Variants in ADGRA2 observed in about 807,000 individuals in gnomAD.
ADGRA2 encodes G-protein coupled receptor 124.
Under a neutral mutation model 98.7 loss-of-function variants are expected in ADGRA2, and 61 were observed. That is an observed-to-expected ratio of 0.62 (90% CI 0.50 to 0.76). The LOEUF (loss-of-function observed/expected upper bound fraction) is 0.76, where lower values mean the gene tolerates loss of function less well. ADGRA2 is among the 30% of genes least tolerant of loss of function. ADGRA2 has a pLI of 0.00. For synonymous variants in ADGRA2, 858 were observed against 831.5 expected, an observed-to-expected ratio of 1.03 and a Z score of -0.55; for missense variants, 1,712 against 1,860.0, an observed-to-expected ratio of 0.92 and a Z score of 1.46.
In ADGRA2 at chr8:37,841,080, C is replaced by T. The variant is rs1435079643; in HGVS notation, c.2748-6C>T. The T allele has an allele frequency of 2.5e-6, 4 of 1,587,770 alleles. No homozygotes were observed. Among genetic ancestry groups the T allele is most frequent in the Non-Finnish European group, 2.6e-6 (3 of 1,167,632 alleles). ...GTCCTCATCACTGCTTCTGTGTCTC[C>T]TACAGCTGCTGGCTGGTGTGGCGTC... On this transcript the variant is annotated splice_polypyrimidine_tract_variant and splice_region_variant and intron_variant, in intron 18 of 18. Transcript: ENST00000412232. The surrounding 1 kb of genome is among the most constrained non-coding windows in gnomAD (Gnocchi z 5.0).
rs1446777338 is a variant in ADGRA2, at chr8:37,842,096, C to A, written c.3758C>A (p.Ser1253Tyr). The A allele has an allele frequency of 1.3e-6, 2 of 1,510,620 alleles. No homozygotes were observed. The highest frequency in any genetic ancestry group is 1.8e-6 in the Non-Finnish European group (2 of 1,137,078). 93.6% of individuals were successfully genotyped at this position (1,510,620 alleles called of 1,614,324 possible). ...GAAGGCGAGCCCATGCTCACGCCGT[C>A]CGAGGGCAGCGACACCAGCGCCGCG... The part of the protein sequence containing the change: ...QLEGEPMLTP[S>Y]EGSDTSAAPL... Residue 1253 changes from serine to tyrosine, a missense_variant, in exon 19 of 19, where the codon TCC becomes TAC. Physicochemically the swap from Ser to Tyr is moderately radical, Grantham distance 144. Coordinates refer to ENST00000412232, the MANE Select transcript of ADGRA2 (RefSeq NM_032777.10).
At position 37,830,789 on chromosome 8, in the gene ADGRA2, C is replaced by T. The variant is rs552597510; in HGVS notation, c.798C>T (p.Phe266=). The T allele has an allele frequency of 4.4e-6, 7 of 1,595,944 alleles. No individual in the cohort carries two copies. The African/African-American group carries it at 6.7e-5, about 15-fold the overall frequency. The change falls in exon 7 of 19, where the codon TTC becomes TTT. Residue 266 remains phenylalanine, a synonymous_variant. Transcript: ENST00000412232. The surrounding 1 kb of genome is among the most constrained non-coding windows in gnomAD (Gnocchi z 4.8). Reference sequence around the variant, plus strand: ...TGTTCCAGGGGGATCGGCTGCCCTTCCAGTGCTCTGCCAGCTACCTGGGCA... The same window carrying T: ...TGTTCCAGGGGGATCGGCTGCCCTTTCAGTGCTCTGCCAGCTACCTGGGCA... The part of the protein sequence containing the change: ...QVVFQGDRLP[F]QCSASYLGND...
At position 37,830,629 on chromosome 8, in the gene ADGRA2, C is replaced by CCACAAA; in HGVS notation, c.719-81_719-80insCACAAA. On this transcript the variant is annotated intron_variant, in intron 6 of 18. Transcript: ENST00000412232. This position sits in a 1 kb window ranked among gnomAD's most constrained non-coding sequence, Gnocchi z 4.8. ...CCGAGGGCCCCGCCCCGCCCCACCCCATCCTGCTGGACTCTCGCTCACACG... is the reference window on the plus strand; with the variant it reads ...CCGAGGGCCCCGCCCCGCCCCACCCCCACAAAATCCTGCTGGACTCTCGCTCACACG... 1 of 714,566 alleles carries CCACAAA rather than the reference C, an allele frequency of 1.4e-6. No individual in the cohort carries two copies. Among genetic ancestry groups the CCACAAA allele is most frequent in the Non-Finnish European group, 2.4e-6 (1 of 414,348 alleles). The allele number at this position is 714,566 out of a possible 1,614,324, so 44.3% of individuals were successfully genotyped here.
chr8:37,837,665 T>C, intron 13 of ADGRA2, 66 bp from the exon 14 acceptor site: 1 of 1,342,182 alleles, frequency 7.5e-7, no homozygotes, highest in Non-Finnish European at 1.0e-6. Context: ...TGCTGCTGAG[T>C]CCCGGCTGAG....
rs1411987220 is a variant in ADGRA2, at chr8:37,833,795, G to A, written c.1404G>A (p.Gln468=). ...TGATGGATGTAGTCTATGTGGCTCA[G>A]ATGATCCAGAAATTTTTGGGTTATG... ...SDMMDVVYVA[Q]MIQKFLGYVD... The change falls in exon 10 of 19, where the codon CAG becomes CAA. Residue 468 remains glutamine, a synonymous_variant. Transcript: ENST00000412232. 6.2e-7 allele frequency: 1 copy of A among 1,614,200 alleles called. No individual in the cohort carries two copies. Among genetic ancestry groups the A allele is most frequent in the Non-Finnish European group, 8.5e-7 (1 of 1,180,026 alleles).
chr8:37,797,339 T>A lies in ADGRA2; in HGVS notation c.71T>A (p.Leu24Gln). The A allele has an allele frequency of 7.2e-7, 1 of 1,393,120 alleles. No individual in the cohort carries two copies. Among genetic ancestry groups the A allele is most frequent in the Non-Finnish European group, 9.3e-7 (1 of 1,077,524 alleles). 86.3% of individuals were successfully genotyped at this position (1,393,120 alleles called of 1,614,324 possible). A position where few individuals can be genotyped will look rare whatever the true frequency, so the allele number is the denominator to read the frequency against. Residue 24 changes from leucine to glutamine, a missense_variant, in exon 1 of 19, where the codon CTG becomes CAG. Physicochemically the swap from Leu to Gln is moderately radical, Grantham distance 113 (BLOSUM62 -2). Transcript: ENST00000412232. The surrounding 1 kb of genome is among the most constrained non-coding windows in gnomAD (Gnocchi z 5.3). The stretch of plus-strand genomic sequence containing the variant: ...CTGCTGCCGCTGCTGCCGTGGCTCC[T>A]GCTGCTCCTGGCGCCCGAGGCTCGG... ...RLLLPLLPWL[L>Q]LLLAPEARGA... is the part of the protein sequence containing the mutation.
rs199823004 is a variant in ADGRA2 at position 37,808,480 on chromosome 8, A to G, written c.267-6416A>G. Among the ~76,000 whole-genome samples, 65 of 152,064 alleles carry G rather than the reference A, an allele frequency of 4.3e-4. 1 individual carries two copies. The East Asian group carries it at 7.4e-3, about 17-fold the overall frequency. The stretch of plus-strand genomic sequence containing the variant: ...CCAAGGCTCCCTCCTTCCCTGCCCA[A>G]TTGTGGCCACTTTGCCTGCTTTCCT... On this transcript the variant is annotated intron_variant, in intron 1 of 18. Coordinates refer to ENST00000412232, the MANE Select transcript of ADGRA2 (RefSeq NM_032777.10).
Position 37,841,550 on chromosome 8 carries a change from C to G in ADGRA2, c.3212C>G (p.Ala1071Gly). ...LGLFVFTHHC[A>G]RRRDVRASWR... is the part of the protein sequence containing the mutation. ...CTCTTCGTCTTCACTCACCACTGTG[C>G]CAGGCGGAGGGACGTGAGAGCCTCG... Residue 1071 changes from alanine to glycine, a missense_variant, in exon 19 of 19, where the codon GCC (alanine) becomes GGC (glycine). Transcript: ENST00000412232. The surrounding 1 kb of genome is among the most constrained non-coding windows in gnomAD (Gnocchi z 5.0). The G allele has an allele frequency of 6.2e-7, 1 of 1,611,384 alleles. No homozygotes were observed. Among genetic ancestry groups the G allele is most frequent in the Non-Finnish European group, 8.5e-7 (1 of 1,179,406 alleles).
chr8:37,829,822 G>A, intron 5 of ADGRA2, 29 bp from the exon 6 acceptor site: 1 of 1,597,426 alleles, frequency 6.3e-7, no homozygotes, highest in East Asian at 2.2e-5. Flanking sequence ...CCTCTGCTCT[G>A]CTCCGTGACC....
At position 37,796,887 on chromosome 8, in the gene ADGRA2, A is replaced by C. The variant is rs906451891; in HGVS notation, c.-382A>C. Reference sequence around the variant, plus strand: ...GCGCGGCGCGGAGCTGCCTCCATCCATGGCACGGAGCGGCGGCGGCGGCGG... The same window carrying C: ...GCGCGGCGCGGAGCTGCCTCCATCCCTGGCACGGAGCGGCGGCGGCGGCGG... On this transcript the variant is annotated 5_prime_UTR_variant, in exon 1 of 19. An upstream start codon of the reference 5' UTR is lost. Coordinates refer to ENST00000412232, the MANE Select transcript of ADGRA2 (RefSeq NM_032777.10). 2 of 153,496 alleles carry C rather than the reference A, an allele frequency of 1.3e-5. No homozygotes were observed. The highest frequency in any genetic ancestry group is 2.4e-5 in the African/African-American group (1 of 41,288). The allele number at this position is 153,496 out of a possible 1,614,324, so 9.5% of individuals were successfully genotyped here.
At chr8:37,822,384 TACACACACAC>T (rs147834043) in intron 2 of ADGRA2, among the ~76,000 whole-genome samples, 2 of 147,206 alleles carry the variant, frequency 1.4e-5, no homozygotes, top group East Asian at 4.0e-4. Context: ...TGTATGTGGG[TACACACACAC>T]ACACACACAC....
chr8:37,811,119 C>CAAAAAAAAAAAAAAAA, intron 1 of ADGRA2, among the ~76,000 whole-genome samples: 1 of 68,626 alleles, frequency 1.5e-5, no homozygotes, highest in Non-Finnish European at 2.6e-5. Flanking sequence ...GTCTCAAAAA[C>CAAAAAAAAAAAAAAAA]AAAAAAAAAA....
chr8:37,810,328 G>A (rs947879586), intron 1 of ADGRA2, among the ~76,000 whole-genome samples: 2 of 151,884 alleles, frequency 1.3e-5, no homozygotes, highest in Admixed American at 1.3e-4. Context: ...GGCCAACATG[G>A]TGAAACCCCG....
chr8:37,813,663 A>G (rs772664625), intron 1 of ADGRA2, among the ~76,000 whole-genome samples: 9 of 152,128 alleles, frequency 5.9e-5, no homozygotes, highest in Non-Finnish European at 1.0e-4. Flanking sequence ...GGAAGGAAGG[A>G]GATGAGGTCT....
rs746295606 is a variant in ADGRA2 at position 37,841,133 on chromosome 8, T to C, written c.2795T>C (p.Val932Ala). Residue 932 changes from valine to alanine, a missense_variant, in exon 19 of 19, where the codon GTG becomes GCG. Val to Ala is a moderately conservative substitution (Grantham distance 64). Transcript: ENST00000412232. The surrounding 1 kb of genome is among the most constrained non-coding windows in gnomAD (Gnocchi z 5.0). ...RPSLGAFYIPVALILLITWIY... is the reference protein window; with the variant it reads ...RPSLGAFYIPAALILLITWIY... Reference sequence around the variant, plus strand: ...AGCCTTGGCGCCTTCTACATCCCTGTGGCTTTGATTCTGCTCATCACCTGG... The same window carrying C: ...AGCCTTGGCGCCTTCTACATCCCTGCGGCTTTGATTCTGCTCATCACCTGG... The C allele has an allele frequency of 4.3e-6, 7 of 1,610,710 alleles. No individual in the cohort carries two copies. Among genetic ancestry groups the C allele is most frequent in the Non-Finnish European group, 5.9e-6 (7 of 1,179,306 alleles).
intron 9 of ADGRA2, among the ~76,000 whole-genome samples, chr8:37,833,437 C>T (rs73673892): frequency 0.026 from 3,920 of 152,330 alleles, 165 homozygotes; most frequent in African/African-American, 0.088. Flanking sequence ...CATCTGGCCA[C>T]CTCACGCCCC....
Position 37,821,292 on chromosome 8 carries a change from A to C in ADGRA2, c.338+6325A>C, listed in dbSNP as rs546175335. 5.3e-5 allele frequency among the ~76,000 whole-genome samples: 8 copies of C among 152,324 alleles called. No individual in the cohort carries two copies. The South Asian group carries it at 1.7e-3, about 32-fold the overall frequency. Reference sequence around the variant, plus strand: ...GGAATTGTTACAGGAACAGAGGAAGAGTTCCTTACACAGAACGCATGGCAG... The same window carrying C: ...GGAATTGTTACAGGAACAGAGGAAGCGTTCCTTACACAGAACGCATGGCAG... On this transcript the variant is annotated intron_variant, in intron 2 of 18. Coordinates refer to ENST00000412232, the MANE Select transcript of ADGRA2 (RefSeq NM_032777.10).
chr8:37,808,783 C>A (rs113872718), intron 1 of ADGRA2, among the ~76,000 whole-genome samples: 1,763 of 152,156 alleles, frequency 0.012, 33 homozygotes, highest in African/African-American at 0.041. Flanking sequence ...GAGATCCTCA[C>A]CTCTAGAAAA....
intron 2 of ADGRA2, among the ~76,000 whole-genome samples, chr8:37,823,710 C>T (rs190222963): frequency 3.0e-4 from 45 of 152,330 alleles, no homozygotes; most frequent in South Asian, 6.2e-4. Context: ...TTCTCCACAT[C>T]GTCATCAACA....
Sources: allele counts gnomAD v4.1 joint callset (sites outside exome capture counted in the v4.1 genomes callset), GRCh38; gene constraint gnomAD v4.1.1; non-coding constraint Gnocchi (gnomAD v3.1); transcripts MANE v1.5; gene names NCBI Gene and HGNC (gene_info 2026-07-23, HGNC 2026-07-21).